CPA6: variants seen among roughly 807,000 people sequenced by gnomAD.
CPA6 encodes carboxypeptidase B.
Under a neutral mutation model 63.3 loss-of-function variants are expected in CPA6, and 58 were observed. That is an observed-to-expected ratio of 0.92 (90% CI 0.74 to 1.14). The LOEUF is 1.14. Among genes scored for constraint, CPA6 ranks in the 50% most tolerant of loss-of-function variants. The probability of loss-of-function intolerance (pLI) is 0.00; values close to 1 mark genes in which losing one functional copy is unlikely to be tolerated. For missense variants in CPA6, 565 were observed against 526.6 expected (o/e 1.07, Z -0.71); for synonymous variants, 185 against 179.0 (o/e 1.03, Z -0.27).
At chr8:67,698,277 C>T (rs1355185595) in intron 1 of CPA6, among the ~76,000 whole-genome samples, 1 of 152,298 alleles carries the variant, frequency 6.6e-6, no homozygotes, top group East Asian at 1.9e-4. Flanking sequence ...TTCGAGGGCT[C>T]TCACACCAGA....
intron 2 of CPA6, among the ~76,000 whole-genome samples, chr8:67,618,037 G>A (rs887520547): frequency 6.6e-6 from 1 of 152,120 alleles, no homozygotes; most frequent in African/African-American, 2.4e-5. Context: ...ACCCACCTTG[G>A]CAATCTCCCT....
intron 1 of CPA6, among the ~76,000 whole-genome samples, chr8:67,642,577 A>C (rs928766604): frequency 1.3e-5 from 2 of 152,202 alleles, no homozygotes; most frequent in Non-Finnish European, 2.9e-5. Context: ...TTGTCCTACC[A>C]AATATAAAGA....
chr8:67,491,092 G>A (rs1230575953), intron 6 of CPA6, among the ~76,000 whole-genome samples: 1 of 152,116 alleles, frequency 6.6e-6, no homozygotes, highest in East Asian at 1.9e-4. Flanking sequence ...AGCCTCAACT[G>A]GACGGGACAG....
rs77813540 is a variant in CPA6 at position 67,492,694 on chromosome 8, C to A, written c.637-7905G>T. 4.7e-3 allele frequency among the ~76,000 whole-genome samples: 714 copies of A among 152,212 alleles called. 2 individuals carry two copies. Among genetic ancestry groups the A allele is most frequent in the Non-Finnish European group, 7.7e-3 (524 of 68,010 alleles). ...GATTGCTCTGTCCTGCTTCAGCTTG[C>A]GTCGCCACTTTTATAGTCTGGTGCT... is the stretch of plus-strand genomic sequence containing the variant. On this transcript the variant is annotated intron_variant, in intron 6 of 10. Transcript: ENST00000297770.
At chr8:67,692,844 G>T (rs1816840389) in intron 1 of CPA6, among the ~76,000 whole-genome samples, 1 of 152,130 alleles carries the variant, frequency 6.6e-6, no homozygotes, top group African/African-American at 2.4e-5. Flanking sequence ...AATACCCAAG[G>T]TAGCTCATGT....
intron 1 of CPA6, among the ~76,000 whole-genome samples, chr8:67,677,591 G>A (rs767200892): frequency 6.6e-6 from 1 of 152,066 alleles, no homozygotes; most frequent in Non-Finnish European, 1.5e-5. Flanking sequence ...CTCTGTATAT[G>A]TGTGTATGTG....
At chr8:67,538,512 G>GT (rs139665944) in intron 2 of CPA6, among the ~76,000 whole-genome samples, 3,082 of 90,836 alleles carry the variant, frequency 0.034, 151 homozygotes, top group African/African-American at 0.1. Flanking sequence ...TGCAACCCCT[G>GT]TTTTTTTTTT....
intron 5 of CPA6, among the ~76,000 whole-genome samples, chr8:67,507,366 T>C (rs1380912827): frequency 6.6e-6 from 1 of 152,160 alleles, no homozygotes; most frequent in East Asian, 1.9e-4. Flanking sequence ...ATAATAGCTA[T>C]ATTTTATAGG....
chr8:67,426,817 C>T (rs1280503078), intron 10 of CPA6, among the ~76,000 whole-genome samples: 1 of 152,190 alleles, frequency 6.6e-6, no homozygotes, highest in Non-Finnish European at 1.5e-5. Flanking sequence ...TTTTCCAAGT[C>T]ATATAGTGAA....
intron 6 of CPA6, among the ~76,000 whole-genome samples, chr8:67,496,519 T>TATATATATA (rs1811714617): frequency 1.1e-5 from 1 of 94,142 alleles, no homozygotes; most frequent in African/African-American, 5.0e-5. Context: ...ACTATATAGT[T>TATATATATA]TATATATATA....
chr8:67,691,072 G>T (rs905736469), intron 1 of CPA6, among the ~76,000 whole-genome samples: 3 of 152,120 alleles, frequency 2.0e-5, no homozygotes, highest in Non-Finnish European at 2.9e-5. Context: ...ACAAGCATTT[G>T]TTACTTTTCT....
At chr8:67,589,097 G>T (rs2128980401) in intron 2 of CPA6, among the ~76,000 whole-genome samples, 1 of 150,804 alleles carries the variant, frequency 6.6e-6, no homozygotes, top group South Asian at 2.1e-4. Flanking sequence ...CGGCATGGGT[G>T]ACAGAGCAAG....
intron 1 of CPA6, among the ~76,000 whole-genome samples, chr8:67,659,703 C>T (rs1250029778): frequency 6.6e-6 from 1 of 152,226 alleles, no homozygotes; most frequent in Admixed American, 6.5e-5. Context: ...TACATTTCAA[C>T]AAGGTAGTCA....
At chr8:67,447,184 T>A (rs1486576285) in intron 8 of CPA6, among the ~76,000 whole-genome samples, 1 of 151,596 alleles carries the variant, frequency 6.6e-6, no homozygotes, top group African/African-American at 2.4e-5. Flanking sequence ...AATCGTACAA[T>A]TTTTTTTGCC....
At chr8:67,430,169 G>A (rs865957864) in intron 9 of CPA6, among the ~76,000 whole-genome samples, 7 of 118,528 alleles carry the variant, frequency 5.9e-5, no homozygotes, top group African/African-American at 3.0e-4. Flanking sequence ...GTGTGTGTGT[G>A]TGTATATATT....
intron 2 of CPA6, among the ~76,000 whole-genome samples, chr8:67,599,410 C>A (rs1168521880): frequency 6.6e-6 from 1 of 152,184 alleles, no homozygotes; most frequent in Non-Finnish European, 1.5e-5. Flanking sequence ...TTGCCCAACT[C>A]CCCTCTGGAA....
chr8:67,555,400 G>T (rs1300908292), intron 2 of CPA6, among the ~76,000 whole-genome samples: 1 of 152,186 alleles, frequency 6.6e-6, no homozygotes, highest in Non-Finnish European at 1.5e-5. Flanking sequence ...ATGATGGTGT[G>T]TGGGGAGCTT....
At chr8:67,666,447 G>A (rs1251756238) in intron 1 of CPA6, among the ~76,000 whole-genome samples, 4 of 152,142 alleles carry the variant, frequency 2.6e-5, no homozygotes, top group South Asian at 2.1e-4. Flanking sequence ...TCTCACCAGC[G>A]GAGGGCCCTG....
intron 8 of CPA6, among the ~76,000 whole-genome samples, chr8:67,472,440 AT>A (rs775400158): frequency 2.7e-5 from 4 of 148,950 alleles, no homozygotes; most frequent in African/African-American, 7.5e-5. Flanking sequence ...ATTTTATTTT[AT>A]TGAGACAGGG....
Sources: gnomAD v4.1 joint callset for allele counts (sites outside exome capture counted in the v4.1 genomes callset) on GRCh38, gnomAD v4.1.1 for gene constraint, MANE v1.5 for transcripts, NCBI Gene and HGNC (gene_info 2026-07-23, HGNC 2026-07-21) for gene names.